NELL2: variants seen among roughly 807,000 people sequenced by gnomAD.
NELL2 encodes the protein neural EGFL like 2, also known as protein kinase C-binding protein NELL2.
Under a neutral mutation model 109.6 loss-of-function variants are expected in NELL2, and 41 were observed. The observed-to-expected ratio is 0.37, with a 90% CI of 0.29 to 0.49. NELL2 has a LOEUF of 0.49. NELL2 is among the 20% of genes least tolerant of loss of function. The pLI is 0.98. For synonymous variants in NELL2, 355 were observed against 344.7 expected (o/e 1.03, Z -0.33); for missense variants, 900 against 1,008.3 (o/e 0.89, Z 1.45).
At chr12:44,525,712 A>G (rs543703728) in intron 16 of NELL2, among the ~76,000 whole-genome samples, 35 of 152,208 alleles carry the variant, frequency 2.3e-4, no homozygotes, top group Non-Finnish European at 4.9e-4. Context: ...TGAAGAACTA[A>G]TGTTGCTAAA....
At chr12:44,567,185 C>G (rs1415945765) in intron 15 of NELL2, among the ~76,000 whole-genome samples, 2 of 152,166 alleles carry the variant, frequency 1.3e-5, no homozygotes, top group Non-Finnish European at 2.9e-5. Flanking sequence ...TTTCATGAAT[C>G]AGGATAAAAA....
intron 13 of NELL2, among the ~76,000 whole-genome samples, chr12:44,616,663 T>G (rs1945831663): frequency 6.6e-6 from 1 of 152,188 alleles, no homozygotes; most frequent in African/African-American, 2.4e-5. Context: ...TTAGTCATAT[T>G]CCTCTAATAT....
chr12:44,733,794 G>T (rs535487628), intron 9 of NELL2, among the ~76,000 whole-genome samples: 1 of 152,036 alleles, frequency 6.6e-6, no homozygotes, highest in East Asian at 1.9e-4. Context: ...GGAATGAAAT[G>T]AATGAATTAT....
intron 2 of NELL2, among the ~76,000 whole-genome samples, chr12:44,846,399 AG>A (rs1259271154): frequency 6.6e-6 from 1 of 152,206 alleles, no homozygotes; most frequent in East Asian, 1.9e-4. Context: ...TGACTTCTTT[AG>A]TGCCACTGTG....
intron 9 of NELL2, among the ~76,000 whole-genome samples, chr12:44,762,682 A>G (rs182866446): frequency 8.7e-4 from 133 of 152,286 alleles, no homozygotes; most frequent in Non-Finnish European, 1.1e-3. Flanking sequence ...TGAATATTCA[A>G]TCTCTCAGCT....
chr12:44,670,792 A>G (rs1034223464), intron 12 of NELL2, among the ~76,000 whole-genome samples: 2 of 152,142 alleles, frequency 1.3e-5, no homozygotes, highest in Non-Finnish European at 2.9e-5. Flanking sequence ...AAGAGCACCC[A>G]GTTATATAAA....
At chr12:44,658,900 GA>G (rs1947618826) in intron 13 of NELL2, among the ~76,000 whole-genome samples, 1 of 116,070 alleles carries the variant, frequency 8.6e-6, no homozygotes, top group African/African-American at 3.2e-5. Flanking sequence ...AAAAAAAAAA[GA>G]AAAGAAAAAG....
chr12:44,627,017 A>G (rs1592230320), intron 13 of NELL2, among the ~76,000 whole-genome samples: 2 of 152,290 alleles, frequency 1.3e-5, no homozygotes, highest in African/African-American at 4.8e-5. Flanking sequence ...AAATCCCAGA[A>G]CGTGAAAGCT....
upstream of NELL2, among the ~76,000 whole-genome samples, chr12:44,914,614 G>A (rs539511568): frequency 6.6e-6 from 1 of 152,160 alleles, no homozygotes; most frequent in East Asian, 1.9e-4. Flanking sequence ...AAATTCATGA[G>A]CACAAGATTT....
At chr12:44,568,246 C>A (rs963542969) in intron 15 of NELL2, among the ~76,000 whole-genome samples, 3 of 152,136 alleles carry the variant, frequency 2.0e-5, no homozygotes, top group Non-Finnish European at 4.4e-5. Context: ...CAGAGTATCA[C>A]AATTTCATGA....
At chr12:44,668,288 G>A (rs181306266) in intron 12 of NELL2, among the ~76,000 whole-genome samples, 28 of 152,176 alleles carry the variant, frequency 1.8e-4, no homozygotes, top group Admixed American at 9.8e-4. Context: ...ACTGAGAGCC[G>A]CCTGCCCAGG....
intron 13 of NELL2, among the ~76,000 whole-genome samples, chr12:44,612,502 T>C (rs1222094607): frequency 6.6e-6 from 1 of 151,658 alleles, no homozygotes; most frequent in Non-Finnish European, 1.5e-5. Flanking sequence ...TCACAGAACA[T>C]TTCATAGTTT....
intron 5 of NELL2, 122 bp from the exon 6 acceptor site, chr12:44,777,436 T>G: frequency 2.7e-6 from 2 of 733,346 alleles, no homozygotes; most frequent in South Asian, 3.4e-5. Context: ...GAGTAAAAAG[T>G]CTTTGTTAAT....
intron 9 of NELL2, among the ~76,000 whole-genome samples, chr12:44,763,642 T>A (rs1416399401): frequency 3.3e-5 from 5 of 152,212 alleles, no homozygotes; most frequent in Admixed American, 3.3e-4. Flanking sequence ...CACTTGCTTT[T>A]AGCATCATGA....
chr12:44,630,707 A>G lies in NELL2; in HGVS notation c.1445-19737T>C, dbSNP rs201278815. On this transcript the variant is annotated intron_variant, in intron 13 of 19. Transcript: ENST00000429094. ...AATGAGGATTCACTAAAACACATCA[A>G]GAGAACAGTCATAATAATGAAGAAA... Among the ~76,000 whole-genome samples the G allele has an allele frequency of 2.6e-5, 4 of 152,274 alleles. No homozygotes were observed. The East Asian group carries it at 7.7e-4, about 29-fold the overall frequency.
intron 15 of NELL2, among the ~76,000 whole-genome samples, chr12:44,588,553 A>G (rs923071412): frequency 6.6e-6 from 1 of 152,194 alleles, no homozygotes; most frequent in Non-Finnish European, 1.5e-5. Context: ...GAAAGTAATC[A>G]GTGTGTTAGA....
intron 16 of NELL2, among the ~76,000 whole-genome samples, chr12:44,529,377 CT>C (rs1215108038): frequency 6.6e-6 from 1 of 152,088 alleles, no homozygotes; most frequent in Non-Finnish European, 1.5e-5. Flanking sequence ...ATGAAAAGTT[CT>C]GTTTTAGTCG....
At chr12:44,736,268 C>T (rs1939646430) in intron 9 of NELL2, among the ~76,000 whole-genome samples, 1 of 151,976 alleles carries the variant, frequency 6.6e-6, no homozygotes, top group South Asian at 2.1e-4. Flanking sequence ...CTCGGCCTCC[C>T]AAAGTGCTGG....
chr12:44,756,771 C>A (rs1481602596), intron 9 of NELL2, among the ~76,000 whole-genome samples: 1 of 152,110 alleles, frequency 6.6e-6, no homozygotes, highest in Admixed American at 6.6e-5. Flanking sequence ...ACAGGCTCTT[C>A]CACTTCTTAT....
Sources: allele counts gnomAD v4.1 joint callset (sites outside exome capture counted in the v4.1 genomes callset), GRCh38; gene constraint gnomAD v4.1.1; transcripts MANE v1.5; gene names NCBI Gene and HGNC (gene_info 2026-07-23, HGNC 2026-07-21).